Variants in PARVB observed in about 807,000 individuals in gnomAD.
PARVB encodes beta-parvin.
In PARVB, 46 loss-of-function variants were observed where a neutral mutation model predicts 47.0. The ratio of observed to expected loss-of-function variants is 0.98; its 90% confidence interval spans 0.77 to 1.25. The LOEUF is 1.25. Ranked by LOEUF, PARVB falls within the 50% of genes most tolerant of loss-of-function variation. PARVB has a pLI of 0.00. For synonymous variants in PARVB, 196 were observed against 196.3 expected (o/e 1.00, Z 0.01); for missense variants, 473 against 471.6 (o/e 1.00, Z -0.03).
chr22:44,093,851 C>T, intron 1 of PARVB, 77 bp from the exon 2 acceptor site: 2 of 822,820 alleles, frequency 2.4e-6, no homozygotes, highest in Non-Finnish European at 4.0e-6. Context: ...TGATTTCTCT[C>T]TGCGTCCACA....
At chr22:44,117,132 C>T (rs547040746) in intron 3 of PARVB, among the ~76,000 whole-genome samples, 1 of 151,842 alleles carries the variant, frequency 6.6e-6, no homozygotes, top group Non-Finnish European at 1.5e-5. Context: ...CCTCTCCCCA[C>T]CCCGCCCCGT....
At position 44,168,604 on chromosome 22, in the gene PARVB, G is replaced by A. The variant is rs763733104; in HGVS notation, c.1021G>A (p.Val341Met). The change falls in exon 13 of 13, where the codon GTG becomes ATG. Residue 341 changes from valine (V) to methionine (M), a missense_variant and splice_region_variant. Coordinates refer to ENST00000338758, the MANE Select transcript of PARVB (RefSeq NM_013327.5). ...AGTTTCTCTGTTTCCTTCTGCAGAC[G>A]TGGTTAACTTGGACCTCAAATCCAC... is the stretch of plus-strand genomic sequence containing the variant. ...LKKPKARPED[V>M]VNLDLKSTLR... 16 of 1,609,240 alleles carry A rather than the reference G, an allele frequency of 9.9e-6. No individual in the cohort carries two copies. Among genetic ancestry groups the A allele is most frequent in the Middle Eastern group, 3.3e-4 (2 of 6,078 alleles).
At chr22:44,021,074 C>T (rs570947399), upstream of PARVB, among the ~76,000 whole-genome samples, 21 of 152,342 alleles carry the variant, frequency 1.4e-4, 1 homozygote, top group East Asian at 2.1e-3. Flanking sequence ...TGAGCCACCA[C>T]GCCTGGCCCC....
chr22:44,025,437 T>C (rs1287950319), intron 1 of PARVB, among the ~76,000 whole-genome samples: 1 of 152,124 alleles, frequency 6.6e-6, no homozygotes, highest in African/African-American at 2.4e-5. Flanking sequence ...CAGATTTGCC[T>C]CTAGGCATGT....
At chr22:44,051,691 G>A (rs1334537294) in intron 1 of PARVB, among the ~76,000 whole-genome samples, 1 of 152,174 alleles carries the variant, frequency 6.6e-6, no homozygotes, top group Non-Finnish European at 1.5e-5. Context: ...GAAATTGAGT[G>A]AAGGTCTCTG....
At chr22:44,031,219 T>C (rs1473433223) in intron 1 of PARVB, 1 of 152,176 alleles carries the variant, frequency 6.6e-6, no homozygotes, top group East Asian at 1.9e-4. Context: ...TGGGAAACGC[T>C]CCTCAGGGTG....
chr22:44,102,079 T>C (rs2052460606), intron 3 of PARVB, among the ~76,000 whole-genome samples: 1 of 152,202 alleles, frequency 6.6e-6, no homozygotes, highest in South Asian at 2.1e-4. Flanking sequence ...ACCTGCCATC[T>C]GCAAGCTAGA....
intron 1 of PARVB, among the ~76,000 whole-genome samples, chr22:44,035,236 G>A (rs1210057894): frequency 6.6e-6 from 1 of 152,158 alleles, no homozygotes; most frequent in Non-Finnish European, 1.5e-5. Context: ...GATGCTGCAC[G>A]TTTACAACAT....
At position 44,094,072 on chromosome 22, in the gene PARVB, A is replaced by G. The variant is rs2052238077; in HGVS notation, c.202+55A>G. 5 of 1,158,030 alleles carry G rather than the reference A, an allele frequency of 4.3e-6. No homozygotes were observed. In the East Asian group the frequency reaches 1.2e-4, roughly 28 times the overall value. The allele number at this position is 1,158,030 out of a possible 1,614,324, so 71.7% of individuals were successfully genotyped here. On this transcript the variant is annotated intron_variant, in intron 2 of 12. Coordinates refer to ENST00000338758, the MANE Select transcript of PARVB (RefSeq NM_013327.5). ...AGACAGTTGAGCTTCCGTGGCACTA[A>G]GTTGGTCTTGGGGAGGCCAATGAGG...
chr22:44,058,857 CGTGG>C (rs2051365548), intron 1 of PARVB, among the ~76,000 whole-genome samples: 1 of 150,894 alleles, frequency 6.6e-6, no homozygotes, highest in African/African-American at 2.4e-5. Flanking sequence ...GCCCATCGGA[CGTGG>C]ATTTTGGATG....
chr22:44,088,904 A>G (rs1030254008), intron 1 of PARVB, among the ~76,000 whole-genome samples: 1 of 152,144 alleles, frequency 6.6e-6, no homozygotes, highest in African/African-American at 2.4e-5. Flanking sequence ...TTGGACAAGT[A>G]TGTTCTGTAA....
At chr22:44,018,073 A>G (rs1031810523) in intron 2 of PARVB, among the ~76,000 whole-genome samples, 2 of 152,158 alleles carry the variant, frequency 1.3e-5, no homozygotes, top group African/African-American at 2.4e-5. Context: ...ATCTCTGTTC[A>G]GCCCTGCTAT....
intron 4 of PARVB, among the ~76,000 whole-genome samples, chr22:44,129,479 G>A (rs2147154227): frequency 6.6e-6 from 1 of 152,324 alleles, no homozygotes; most frequent in South Asian, 2.1e-4. Flanking sequence ...ATGGTGGCAG[G>A]TGCAACGGGG....
intron 11 of PARVB, among the ~76,000 whole-genome samples, chr22:44,160,640 G>A (rs570817940): frequency 6.6e-6 from 1 of 152,302 alleles, no homozygotes; most frequent in East Asian, 1.9e-4. Flanking sequence ...GAGGGCTGGG[G>A]GAGGAGGCAT....
Position 44,094,025 on chromosome 22 carries a change from G to A in PARVB, c.202+8G>A. Reference sequence around the variant, plus strand: ...CTGAAGACACCCAGCTTGGTACGGGGGTTCCTCCGCTCCCTGCCCTGAGAC... The same window carrying A: ...CTGAAGACACCCAGCTTGGTACGGGAGTTCCTCCGCTCCCTGCCCTGAGAC... On this transcript the variant is annotated splice_region_variant and intron_variant, in intron 2 of 12. Transcript: ENST00000338758. 1.3e-6 allele frequency: 2 copies of A among 1,555,386 alleles called. No individual in the cohort carries two copies. Among genetic ancestry groups the A allele is most frequent in the East Asian group, 2.2e-5 (1 of 44,474 alleles).
At chr22:44,054,556 GGGGCAGGGGTTGGGGGCT>G (rs2051269011) in intron 1 of PARVB, among the ~76,000 whole-genome samples, 1 of 152,174 alleles carries the variant, frequency 6.6e-6, no homozygotes, top group African/African-American at 2.4e-5. Flanking sequence ...GCAGTTGCCA[GGGGCAGGGGTTGGGGGCT>G]GGGCAGGGAG....
chr22:44,094,710 C>T (rs2052257677), intron 2 of PARVB, among the ~76,000 whole-genome samples: 1 of 151,656 alleles, frequency 6.6e-6, no homozygotes, highest in African/African-American at 2.4e-5. Flanking sequence ...AGACTGGTCT[C>T]CAACTCCTGG....
chr22:44,073,411 T>G (rs1414642776), intron 1 of PARVB, among the ~76,000 whole-genome samples: 1 of 152,142 alleles, frequency 6.6e-6, no homozygotes, highest in African/African-American at 2.4e-5. Context: ...GGAGAATCAC[T>G]TGAACCCAGG....
Position 44,125,296 on chromosome 22 carries a change from CAA to C in PARVB, c.376+6157_376+6158del, listed in dbSNP as rs78915984. 0.23 allele frequency among the ~76,000 whole-genome samples: 35,485 copies of C among 151,992 alleles called. 4,428 individuals are homozygous for C. Among genetic ancestry groups the C allele is most frequent in the East Asian group, 0.42 (2,150 of 5,148 alleles). ...TTGGCTGTAGAGACACAGTGGGAAACAAGAGAGATGAGCCCCGCACCCTGCGC... is the reference window on the plus strand; with the variant it reads ...TTGGCTGTAGAGACACAGTGGGAAACGAGAGATGAGCCCCGCACCCTGCGC... On this transcript the variant is annotated intron_variant, in intron 4 of 12. Coordinates refer to ENST00000338758, the MANE Select transcript of PARVB (RefSeq NM_013327.5). This position sits in a 1 kb window ranked among gnomAD's most constrained non-coding sequence, Gnocchi z 4.1.
Sources: gnomAD v4.1 joint callset for allele counts (sites outside exome capture counted in the v4.1 genomes callset) on GRCh38, gnomAD v4.1.1 for gene constraint, Gnocchi (gnomAD v3.1) non-coding constraint, MANE v1.5 for transcripts, NCBI Gene and HGNC (gene_info 2026-07-23, HGNC 2026-07-21) for gene names.